KCNQ5: variants seen among roughly 807,000 people sequenced by gnomAD.
The protein encoded by KCNQ5 is potassium voltage-gated channel subfamily KQT member 5.
Under a neutral mutation model 98.2 loss-of-function variants are expected in KCNQ5, and 30 were observed. That is an observed-to-expected ratio of 0.31 (90% CI 0.23 to 0.41). The LOEUF (loss-of-function observed/expected upper bound fraction) is 0.41, where lower values mean the gene tolerates loss of function less well. Ranked by LOEUF, KCNQ5 falls within the 10% of genes least tolerant of loss-of-function variation. The probability of loss-of-function intolerance (pLI) is 1.00; values close to 1 mark genes in which losing one functional copy is unlikely to be tolerated. For missense variants in KCNQ5, 835 were observed against 1,182.5 expected, an observed-to-expected ratio of 0.71 and a Z score of 4.31; for synonymous variants, 458 against 449.4, an observed-to-expected ratio of 1.02 and a Z score of -0.24.
At chr6:72,785,035 A>G (rs370293262) in intron 1 of KCNQ5, among the ~76,000 whole-genome samples, 8 of 152,358 alleles carry the variant, frequency 5.3e-5, no homozygotes, top group Non-Finnish European at 7.3e-5. Flanking sequence ...AGGCAGCAAC[A>G]TCAGCCAATA....
intron 2 of KCNQ5, among the ~76,000 whole-genome samples, chr6:73,020,519 C>T (rs9446823): frequency 0.082 from 12,494 of 152,124 alleles, 1,714 homozygotes; most frequent in African/African-American, 0.28. Context: ...AAACCTTGTC[C>T]TTTTTTATTT....
intron 1 of KCNQ5, among the ~76,000 whole-genome samples, chr6:72,679,422 A>G (rs976977614): frequency 1.3e-5 from 2 of 152,112 alleles, no homozygotes; most frequent in African/African-American, 4.8e-5. Context: ...TGTCCTTTGC[A>G]TGGACATGGA....
intron 8 of KCNQ5, among the ~76,000 whole-genome samples, chr6:73,122,959 C>A (rs1406256827): frequency 6.6e-6 from 1 of 152,112 alleles, no homozygotes; most frequent in Admixed American, 6.5e-5. Context: ...AAACAGACTA[C>A]AATTACTATT....
chr6:73,026,319 C>A (rs950227658), intron 2 of KCNQ5, among the ~76,000 whole-genome samples: 1 of 152,180 alleles, frequency 6.6e-6, no homozygotes, highest in Non-Finnish European at 1.5e-5. Context: ...CACCTCCTAT[C>A]CCTCTCCTTT....
At position 73,125,336 on chromosome 6, in the gene KCNQ5, A is replaced by G. The variant is rs551640431; in HGVS notation, c.1247+824A>G. On this transcript the variant is annotated intron_variant, in intron 9 of 13. Transcript: ENST00000370398. ...TGTTAATGAGTACCAGGAAGTGCCT[A>G]GATTTGAGAGCAAAGCCCTGAAAAA... 9.8e-5 allele frequency: 49 copies of G among 500,040 alleles called. 1 individual carries two copies. The highest frequency in any genetic ancestry group is 6.9e-4 in the South Asian group (47 of 67,816). The allele number at this position is 500,040 out of a possible 1,614,324, so 31.0% of individuals were successfully genotyped here.
At chr6:73,183,080 T>C (rs1379260240) in intron 11 of KCNQ5, among the ~76,000 whole-genome samples, 2 of 152,158 alleles carry the variant, frequency 1.3e-5, no homozygotes, top group African/African-American at 4.8e-5. Flanking sequence ...GATGAATAAA[T>C]GACTAATGTG....
intron 1 of KCNQ5, among the ~76,000 whole-genome samples, chr6:72,734,693 G>C: frequency 6.6e-6 from 1 of 152,002 alleles, no homozygotes. Flanking sequence ...TATTGCAGTA[G>C]AGCCCAGAAA....
chr6:73,130,358 T>G (rs1776178751), intron 9 of KCNQ5, among the ~76,000 whole-genome samples: 1 of 152,180 alleles, frequency 6.6e-6, no homozygotes, highest in Admixed American at 6.5e-5. Flanking sequence ...ATCTGGTTCC[T>G]AGAGATGAGA....
At chr6:73,065,921 TG>T (rs1773034675) in intron 3 of KCNQ5, among the ~76,000 whole-genome samples, 1 of 152,030 alleles carries the variant, frequency 6.6e-6, no homozygotes, top group Non-Finnish European at 1.5e-5. Context: ...CCAAGGTGGG[TG>T]GATCACTTGA....
At chr6:73,166,727 T>A (rs1367748493) in intron 10 of KCNQ5, among the ~76,000 whole-genome samples, 1 of 152,180 alleles carries the variant, frequency 6.6e-6, no homozygotes, top group Non-Finnish European at 1.5e-5. Context: ...GTTGCTTCCT[T>A]CTGGAAGCTC....
intron 2 of KCNQ5, among the ~76,000 whole-genome samples, chr6:73,014,131 A>T (rs1199447667): frequency 6.6e-6 from 1 of 152,102 alleles, no homozygotes; most frequent in Non-Finnish European, 1.5e-5. Flanking sequence ...TGATTTCATT[A>T]GCCAAAGGTT....
At chr6:72,943,984 A>G (rs1766425228) in intron 1 of KCNQ5, among the ~76,000 whole-genome samples, 1 of 152,222 alleles carries the variant, frequency 6.6e-6, no homozygotes, top group Non-Finnish European at 1.5e-5. Context: ...GAAGGTAAAC[A>G]ACTTGCCTGA....
At position 72,869,484 on chromosome 6, in the gene KCNQ5, T is replaced by C. The variant is rs1778120276; in HGVS notation, c.399-134424T>C. On this transcript the variant is annotated intron_variant, in intron 1 of 13. Transcript: ENST00000370398. ...ATTCTGTAGTAATAGATGGACTTTTTTGAACTTTAGTTTTTCCATTTTCTC... is the reference window on the plus strand; with the variant it reads ...ATTCTGTAGTAATAGATGGACTTTTCTGAACTTTAGTTTTTCCATTTTCTC... Among the ~76,000 whole-genome samples, 7 of 152,218 alleles carry C rather than the reference T, an allele frequency of 4.6e-5. No homozygotes were observed. The South Asian group carries it at 8.3e-4, about 18-fold the overall frequency.
chr6:73,055,678 G>A (rs1772452571), intron 3 of KCNQ5: 1 of 1,137,014 alleles, frequency 8.8e-7, no homozygotes, highest in African/African-American at 1.5e-5. Context: ...ACAAGCATCT[G>A]AAGGGTCTCT....
intron 1 of KCNQ5, among the ~76,000 whole-genome samples, chr6:72,899,390 T>C (rs1222989767): frequency 6.6e-6 from 1 of 152,136 alleles, no homozygotes; most frequent in African/African-American, 2.4e-5. Context: ...GCTTTTTCCT[T>C]CTCTCAGATC....
chr6:72,638,619 G>C (rs1246815462), intron 1 of KCNQ5, among the ~76,000 whole-genome samples: 2 of 151,570 alleles, frequency 1.3e-5, no homozygotes, highest in Non-Finnish European at 3.0e-5. Flanking sequence ...CTCCAAAACA[G>C]GTTAAAGGCA....
chr6:72,966,099 A>G (rs991944757), intron 1 of KCNQ5, among the ~76,000 whole-genome samples: 5 of 152,214 alleles, frequency 3.3e-5, no homozygotes, highest in Non-Finnish European at 5.9e-5. Context: ...AAGATAGCAT[A>G]TATTTTTATT....
chr6:73,133,395 A>AATAATCATG, intron 9 of KCNQ5, 26 bp from the exon 10 acceptor site: 1 of 1,598,478 alleles, frequency 6.3e-7, no homozygotes, highest in Non-Finnish European at 8.6e-7. Context: ...CTTGAAATGG[A>AATAATCATG]ATAATCATGC....
At chr6:72,633,072 T>C (rs1205543410) in intron 1 of KCNQ5, among the ~76,000 whole-genome samples, 3 of 152,238 alleles carry the variant, frequency 2.0e-5, no homozygotes, top group African/African-American at 7.2e-5. Context: ...GTCCCTTTTC[T>C]CTGCAGTCTC....
Sources: gnomAD v4.1 joint callset for allele counts (sites outside exome capture counted in the v4.1 genomes callset) on GRCh38, gnomAD v4.1.1 for gene constraint, MANE v1.5 for transcripts, NCBI Gene and HGNC (gene_info 2026-07-23, HGNC 2026-07-21) for gene names.